The following ACTR3C variants were observed in gnomAD, a reference collection of about 807,000 sequenced individuals.
The protein encoded by ACTR3C is actin related protein 3C.
In ACTR3C, 18 loss-of-function variants were observed where a neutral mutation model predicts 26.3. That is an observed-to-expected ratio of 0.68 (90% CI 0.47 to 1.01). ACTR3C has a LOEUF of 1.01. Among genes scored for constraint, ACTR3C ranks in the 50% least tolerant of loss-of-function variants. ACTR3C has a pLI of 0.00. For synonymous variants in ACTR3C, 55 were observed against 94.5 expected (o/e 0.58, Z 2.42); for missense variants, 184 against 250.7 (o/e 0.73, Z 1.80).
At chr7:150,234,587 T>C in the ACTR3C span, among the ~76,000 whole-genome samples, 1 of 152,178 alleles carries the variant, frequency 6.6e-6, no homozygotes, top group Non-Finnish European at 1.5e-5. Context: ...CGGAAAATCA[T>C]CAGCATTACC....
chr7:150,303,287 C>T lies in ACTR3C; in HGVS notation c.-51-7940G>A, dbSNP rs1270450761. ...CCTTCCTGGAACACAGAGGTGATAG[C>T]TGGAGGTGCAGTAATCAACTTGTGA... On this transcript the variant is annotated intron_variant, in intron 1 of 7. Coordinates refer to ENST00000683684, the MANE Select transcript of ACTR3C (RefSeq NM_001164458.2). 1.4e-4 allele frequency among the ~76,000 whole-genome samples: 22 copies of T among 152,156 alleles called. 1 individual carries two copies. Among genetic ancestry groups the T allele is most frequent in the Non-Finnish European group, 2.9e-5 (2 of 68,028 alleles).
At chr7:150,198,959 C>T in the ACTR3C span, among the ~76,000 whole-genome samples, 2 of 136,492 alleles carry the variant, frequency 1.5e-5, no homozygotes, top group African/African-American at 3.1e-5. Flanking sequence ...CCCGGCCAGC[C>T]GCCCCGTCCG....
chr7:150,157,433 A>G, the ACTR3C span, among the ~76,000 whole-genome samples: 1 of 150,788 alleles, frequency 6.6e-6, no homozygotes, highest in Non-Finnish European at 1.5e-5. Context: ...GAGAGTGCAG[A>G]GGAATAATCA....
chr7:149,958,446 G>T, the ACTR3C span, among the ~76,000 whole-genome samples: 1 of 152,228 alleles, frequency 6.6e-6, no homozygotes, highest in East Asian at 1.9e-4. Context: ...CTCTATCCAA[G>T]TCTATTACAG....
At chr7:150,306,147 T>C (rs1769241304) in intron 1 of ACTR3C, among the ~76,000 whole-genome samples, 1 of 152,240 alleles carries the variant, frequency 6.6e-6, no homozygotes, top group South Asian at 2.1e-4. Context: ...TCATTGCAGG[T>C]ACCCATTTTT....
the ACTR3C span, among the ~76,000 whole-genome samples, chr7:150,023,492 C>A: frequency 6.6e-6 from 1 of 151,514 alleles, no homozygotes; most frequent in Non-Finnish European, 1.5e-5. Flanking sequence ...CATCACCAGA[C>A]CCAGCTAATT....
intron 3 of ACTR3C, among the ~76,000 whole-genome samples, chr7:150,292,777 G>T (rs1188097893): frequency 6.6e-6 from 1 of 152,016 alleles, no homozygotes; most frequent in Admixed American, 6.5e-5. Flanking sequence ...GATTACAGGC[G>T]TGAGCCACCG....
the ACTR3C span, among the ~76,000 whole-genome samples, chr7:150,158,165 TTTA>T: frequency 6.6e-6 from 1 of 152,214 alleles, no homozygotes; most frequent in East Asian, 1.9e-4. Context: ...CGTTAGGATG[TTTA>T]TTATTAAAAG....
intron 1 of ACTR3C, among the ~76,000 whole-genome samples, chr7:150,308,755 GGCTTACA>G (rs1796029030): frequency 6.6e-6 from 1 of 152,046 alleles, no homozygotes; most frequent in African/African-American, 2.4e-5. Context: ...CACTCAGTCT[GGCTTACA>G]GTTTCATTCC....
chr7:150,174,077 C>T, the ACTR3C span, among the ~76,000 whole-genome samples: 1 of 139,640 alleles, frequency 7.2e-6, no homozygotes, highest in Non-Finnish European at 1.5e-5. Context: ...CCAACCTCTG[C>T]CTCTTAACCA....
intron 1 of ACTR3C, chr7:150,302,997 A>T (rs1162715715): frequency 2.0e-5 from 3 of 152,268 alleles, no homozygotes; most frequent in Admixed American, 6.5e-5. Flanking sequence ...TACTGTCTTC[A>T]TGCCTTTGAG....
chr7:150,244,110 T>C (rs1304878622), downstream of ACTR3C: 1 of 144,126 alleles, frequency 6.9e-6, no homozygotes, highest in Non-Finnish European at 1.5e-5. Flanking sequence ...TCTTAGAATA[T>C]TGAATATTCA....
the ACTR3C span, among the ~76,000 whole-genome samples, chr7:150,006,235 C>T: frequency 5.5e-4 from 53 of 96,240 alleles, 1 homozygote; most frequent in Non-Finnish European, 8.2e-4. Flanking sequence ...CTTACTCTGT[C>T]GCCCAGGCTG....
At chr7:150,062,299 A>AT in the ACTR3C span, 3 of 61,472 alleles carry the variant, frequency 4.9e-5, no homozygotes, top group African/African-American at 7.7e-5. Flanking sequence ...TCAGCACGTG[A>AT]TTTTTTTTTA....
chr7:149,985,411 G>T, the ACTR3C span, among the ~76,000 whole-genome samples: 6 of 152,100 alleles, frequency 3.9e-5, no homozygotes, highest in Admixed American at 3.9e-4. Flanking sequence ...GACTGATAAT[G>T]TTGATTGACT....
chr7:150,311,048 C>CATTGTTGG (rs1220267552), intron 1 of ACTR3C, among the ~76,000 whole-genome samples: 1 of 152,186 alleles, frequency 6.6e-6, no homozygotes, highest in African/African-American at 2.4e-5. Flanking sequence ...CCTTCTTAGG[C>CATTGTTGG]ATTGTTGGAT....
chr7:150,317,308 C>T (rs925576453), intron 1 of ACTR3C, among the ~76,000 whole-genome samples: 2 of 152,148 alleles, frequency 1.3e-5, no homozygotes, highest in African/African-American at 2.4e-5. Flanking sequence ...CCTTGGTGGC[C>T]TCCCAAAGTG....
chr7:150,049,028 C>A, the ACTR3C span, among the ~76,000 whole-genome samples: 4 of 152,094 alleles, frequency 2.6e-5, no homozygotes, highest in African/African-American at 9.6e-5. Context: ...CGCAACTTTT[C>A]CAAAGCCTGC....
At position 150,289,510 on chromosome 7, in the gene ACTR3C, T is replaced by C. The variant is rs775756973; in HGVS notation, c.237A>G (p.Leu79=). 21 of 1,599,836 alleles carry C rather than the reference T, an allele frequency of 1.3e-5. No homozygotes were observed. In the Admixed American group the frequency reaches 3.6e-4, roughly 27 times the overall value. ...GAGGGATTCCCACCTCCCTCTCCCTTAGCAGCTGTTGAATGAAATACGTAA... is the reference window on the plus strand; with the variant it reads ...GAGGGATTCCCACCTCCCTCTCCCTCAGCAGCTGTTGAATGAAATACGTAA... The part of the protein sequence containing the change: ...RDITYFIQQL[L]REREVGIPPE... Residue 79 remains leucine, a synonymous_variant, in exon 4 of 8, where the codon CTA becomes CTG. Transcript: ENST00000683684.
Sources: gnomAD v4.1 joint callset for allele counts (sites outside exome capture counted in the v4.1 genomes callset) on GRCh38, gnomAD v4.1.1 for gene constraint, MANE v1.5 for transcripts, NCBI Gene and HGNC (gene_info 2026-07-23, HGNC 2026-07-21) for gene names.